Variants in PTPRD observed in about 807,000 individuals in gnomAD.
PTPRD encodes receptor-type tyrosine-protein phosphatase delta.
PTPRD carries 34 observed loss-of-function variants against 214.5 expected under a neutral mutation model. The ratio of observed to expected loss-of-function variants is 0.16; its 90% confidence interval spans 0.12 to 0.21. The LOEUF is 0.21. Among genes scored for constraint, PTPRD ranks in the 10% least tolerant of loss-of-function variants. The probability of loss-of-function intolerance (pLI) is 1.00; values close to 1 mark genes in which losing one functional copy is unlikely to be tolerated. For missense variants in PTPRD, 2,545 were observed against 2,398.7 expected, an observed-to-expected ratio of 1.06 and a Z score of -1.27; for synonymous variants, 1,128 against 845.7, an observed-to-expected ratio of 1.33 and a Z score of -5.79.
At chr9:8,546,926 T>C (rs1247747658) in intron 14 of PTPRD, among the ~76,000 whole-genome samples, 2 of 152,252 alleles carry the variant, frequency 1.3e-5, no homozygotes, top group African/African-American at 4.8e-5. Context: ...TTGTGGTTTA[T>C]TTAGCAAAGG....
intron 9 of PTPRD, among the ~76,000 whole-genome samples, chr9:9,356,018 G>A (rs1279941895): frequency 6.6e-6 from 1 of 151,358 alleles, no homozygotes; most frequent in Admixed American, 6.6e-5. Flanking sequence ...GCAATATTGA[G>A]GGGATTGGTG....
chr9:8,499,906 G>A (rs886902529), intron 24 of PTPRD, 66 bp from the exon 25 acceptor site: 1 of 1,376,896 alleles, frequency 7.3e-7, no homozygotes. Flanking sequence ...AGCATTTTCT[G>A]CATTTTCTTT....
At chr9:10,186,257 C>T (rs952668711) in intron 3 of PTPRD, among the ~76,000 whole-genome samples, 4 of 151,898 alleles carry the variant, frequency 2.6e-5, no homozygotes, top group Admixed American at 6.6e-5. Context: ...CTATATGCAA[C>T]GTAGCATCAA....
chr9:8,581,467 G>C (rs1030231621), intron 14 of PTPRD, among the ~76,000 whole-genome samples: 1 of 152,174 alleles, frequency 6.6e-6, no homozygotes, highest in African/African-American at 2.4e-5. Context: ...GGGTGGCCGG[G>C]GCCGGGCGCA....
chr9:9,209,192 A>T (rs891292227), intron 9 of PTPRD, among the ~76,000 whole-genome samples: 5 of 152,220 alleles, frequency 3.3e-5, no homozygotes, highest in Admixed American at 2.0e-4. Flanking sequence ...CTAAGCCTCT[A>T]TTCCTAATTA....
chr9:10,504,389 C>T (rs1366922346), intron 2 of PTPRD, among the ~76,000 whole-genome samples: 3 of 152,048 alleles, frequency 2.0e-5, no homozygotes, highest in Non-Finnish European at 4.4e-5. Context: ...CTTCGGTTTA[C>T]TCTGCTTAGT....
At chr9:9,557,888 T>C (rs1303737766) in intron 8 of PTPRD, among the ~76,000 whole-genome samples, 1 of 152,184 alleles carries the variant, frequency 6.6e-6, no homozygotes, top group Non-Finnish European at 1.5e-5. Context: ...TATGGTTTTA[T>C]TCAGCGGCAG....
chr9:9,467,661 T>C (rs1332574838), intron 8 of PTPRD, among the ~76,000 whole-genome samples: 2 of 147,032 alleles, frequency 1.4e-5, no homozygotes, highest in African/African-American at 2.5e-5. Flanking sequence ...GCATGTTTAC[T>C]ATCGATTTCA....
rs2098716596 is a variant in PTPRD, at chr9:10,114,685, G to T, written c.-544-80895C>A. ...TGAAATATGCCCACATGCATATATA[G>T]ATAAATTGTATAGCTTCCTTGTGAA... is the stretch of plus-strand genomic sequence containing the variant. On this transcript the variant is annotated intron_variant, in intron 3 of 45. Transcript: ENST00000381196. Among the ~76,000 whole-genome samples, 3 of 151,936 alleles carry T rather than the reference G, an allele frequency of 2.0e-5. No homozygotes were observed. In the South Asian group the frequency reaches 6.2e-4, roughly 32 times the overall value.
chr9:9,938,681 C>A (rs904162943), intron 4 of PTPRD, 71 bp from the exon 5 acceptor site: 1 of 152,106 alleles, frequency 6.6e-6, no homozygotes, highest in Non-Finnish European at 1.5e-5. Flanking sequence ...ATTATGTTAT[C>A]TTTTCCTGTC....
At chr9:9,075,909 C>A (rs755939991) in intron 10 of PTPRD, among the ~76,000 whole-genome samples, 4 of 152,098 alleles carry the variant, frequency 2.6e-5, no homozygotes, top group Non-Finnish European at 4.4e-5. Flanking sequence ...GATTTATAAT[C>A]CTTTGGGTAT....
At chr9:8,728,165 G>A (rs939048239) in intron 12 of PTPRD, among the ~76,000 whole-genome samples, 5 of 152,104 alleles carry the variant, frequency 3.3e-5, no homozygotes, top group Admixed American at 2.0e-4. Context: ...CAGGAGAATC[G>A]CTTGAACCGA....
chr9:8,738,086 T>C (rs1020809296), intron 11 of PTPRD, among the ~76,000 whole-genome samples: 1 of 152,210 alleles, frequency 6.6e-6, no homozygotes, highest in African/African-American at 2.4e-5. Context: ...ATAATTTTGC[T>C]GAATTCCAAT....
chr9:8,501,155 AAACG>A (rs1196484692), intron 23 of PTPRD, 96 bp from the exon 24 acceptor site: 2 of 887,992 alleles, frequency 2.3e-6, no homozygotes, highest in Non-Finnish European at 3.4e-6. Context: ...AAAAATAAAT[AAACG>A]AACAATAAGG....
At chr9:9,274,441 A>G (rs1944175703) in intron 9 of PTPRD, among the ~76,000 whole-genome samples, 3 of 151,454 alleles carry the variant, frequency 2.0e-5, no homozygotes, top group South Asian at 4.1e-4. Flanking sequence ...ATTGGAACAG[A>G]TTATGCTACA....
intron 3 of PTPRD, among the ~76,000 whole-genome samples, chr9:10,176,785 G>T (rs1040929792): frequency 6.6e-6 from 1 of 151,896 alleles, no homozygotes; most frequent in Non-Finnish European, 1.5e-5. Flanking sequence ...TTCCAAAGAA[G>T]AAAAACTGTG....
rs1216843009 is a variant in PTPRD at position 8,914,957 on chromosome 9, C to T, written c.-104+103740G>A. 2.6e-5 allele frequency among the ~76,000 whole-genome samples: 4 copies of T among 152,068 alleles called. No individual in the cohort carries two copies. In the East Asian group the frequency reaches 5.8e-4, roughly 22 times the overall value. On this transcript the variant is annotated intron_variant, in intron 11 of 45. Transcript: ENST00000381196. ...TAGTATACCAGATATGTGATGAAAG[C>T]ATGTGAATAACAAAAGGAACTAAAT...
At chr9:9,085,690 T>G (rs1473845594) in intron 10 of PTPRD, among the ~76,000 whole-genome samples, 1 of 152,146 alleles carries the variant, frequency 6.6e-6, no homozygotes, top group Admixed American at 6.6e-5. Flanking sequence ...TTTTTCTGCT[T>G]AATTGTCGGT....
intron 5 of PTPRD, among the ~76,000 whole-genome samples, chr9:9,900,164 A>G (rs1278350188): frequency 6.6e-6 from 1 of 152,136 alleles, no homozygotes; most frequent in African/African-American, 2.4e-5. Flanking sequence ...CTTCCCTACC[A>G]CATGCCCAGG....
Sources: allele counts gnomAD v4.1 joint callset (sites outside exome capture counted in the v4.1 genomes callset), GRCh38; gene constraint gnomAD v4.1.1; transcripts MANE v1.5; gene names NCBI Gene and HGNC (gene_info 2026-07-23, HGNC 2026-07-21).